ACP1: variants seen among roughly 807,000 people sequenced by gnomAD.
ACP1 encodes acid phosphatase 1.
Under a neutral mutation model 23.4 loss-of-function variants are expected in ACP1, and 23 were observed. The ratio of observed to expected loss-of-function variants is 0.98; its 90% CI spans 0.71 to 1.39. ACP1 has a LOEUF of 1.39. Ranked by LOEUF, ACP1 falls within the 40% of genes most tolerant of loss-of-function variation. The pLI is 0.00. For synonymous variants in ACP1, 72 were observed against 67.2 expected (o/e 1.07, Z -0.35); for missense variants, 180 against 197.7 (o/e 0.91, Z 0.54).
chr2:266,935 C>A (rs1467383688), intron 1 of ACP1, among the ~76,000 whole-genome samples: 1 of 152,048 alleles, frequency 6.6e-6, no homozygotes, highest in Admixed American at 6.6e-5. Flanking sequence ...CTAAGGGTGA[C>A]TCGAACTCAG....
At chr2:272,263 C>T in intron 3 of ACP1, 113 bp downstream of exon 3, 1 of 1,614,094 alleles carries the variant, frequency 6.2e-7, no homozygotes, top group Non-Finnish European at 8.5e-7. Flanking sequence ...CTGTGAGCTG[C>T]CTAAGAAATC....
intron 3 of ACP1, 40 bp from the exon 4 acceptor site, chr2:275,100 T>G (rs1670136578): frequency 9.2e-7 from 1 of 1,084,744 alleles, no homozygotes; most frequent in East Asian, 2.5e-5. Context: ...TAGGCTTGAA[T>G]GGTATAAACA....
rs553824492 is a variant in ACP1, at chr2:267,539, G to A, written c.43+2532G>A. 5.3e-5 allele frequency among the ~76,000 whole-genome samples: 8 copies of A among 152,332 alleles called. No individual in the cohort carries two copies. The South Asian group carries it at 1.7e-3, about 32-fold the overall frequency. On this transcript the variant is annotated intron_variant, in intron 1 of 5. Transcript: ENST00000272065. ...TTTGGAGAAGCATCCTGAACCCAGA[G>A]GAAAGCAGGTAAAAGTTTTGAAGGG...
rs1436597869 is a variant in ACP1 at position 277,978 on chromosome 2, T to C, written c.*674T>C. The C allele has an allele frequency of 2.6e-5, 4 of 152,298 alleles. No homozygotes were observed. The highest frequency in any genetic ancestry group is 5.9e-5 in the Non-Finnish European group (4 of 68,124). The allele number at this position is 152,298 out of a possible 1,614,324, so 9.4% of individuals were successfully genotyped here. The stretch of plus-strand genomic sequence containing the variant: ...TCTGAACCACTTTGCCTCTGAAACT[T>C]AATTACATCCAGAAAGAAGGACACT... On this transcript the variant is annotated 3_prime_UTR_variant, in exon 6 of 6. Transcript: ENST00000272065.
chr2:277,202 T>A (rs1339612683), intron 5 of ACP1, 25 bp from the exon 6 acceptor site: 1 of 1,613,330 alleles, frequency 6.2e-7, no homozygotes, highest in East Asian at 2.2e-5. Flanking sequence ...GTTTTGCCAT[T>A]TTCTTCTTTT....
rs538127644 is a variant in ACP1 at position 265,121 on chromosome 2, A to C, written c.43+114A>C. ...AACCATGAGGGGGAGGAGGCCAGGG[A>C]CTGGGAGGCCTAGGGTGTTCTAGGA... On this transcript the variant is annotated intron_variant, in intron 1 of 5. Transcript: ENST00000272065. 75 of 1,335,768 alleles carry C rather than the reference A, an allele frequency of 5.6e-5. No homozygotes were observed. The African/African-American group carries it at 1.0e-3, about 18-fold the overall frequency. 82.7% of individuals were successfully genotyped at this position (1,335,768 alleles called of 1,614,324 possible).
intron 1 of ACP1, chr2:269,158 A>G (rs1052186802): frequency 5.8e-6 from 2 of 345,306 alleles, no homozygotes; most frequent in Non-Finnish European, 1.2e-5. Context: ...AAGCCTTTCA[A>G]TAATTAAAAT....
intron 1 of ACP1, chr2:266,464 A>C (rs1436819899): frequency 6.6e-6 from 1 of 152,220 alleles, no homozygotes; most frequent in Non-Finnish European, 1.5e-5. Context: ...GGCATAATGC[A>C]TCATGGTTGC....
chr2:268,218 T>C (rs1160205070), intron 1 of ACP1, among the ~76,000 whole-genome samples: 1 of 152,246 alleles, frequency 6.6e-6, no homozygotes, highest in Non-Finnish European at 1.5e-5. Context: ...ATGCCTTTAC[T>C]GGTTGCATTC....
chr2:272,332 A>G (rs2103074201), intron 3 of ACP1, 182 bp downstream of exon 3: 1 of 1,599,182 alleles, frequency 6.3e-7, no homozygotes, highest in East Asian at 2.3e-5. Flanking sequence ...TCAATTTCTA[A>G]TATATAGAGT....
chr2:265,583 C>T (rs1241793077), intron 1 of ACP1, among the ~76,000 whole-genome samples: 1 of 136,260 alleles, frequency 7.3e-6, no homozygotes, highest in Non-Finnish European at 1.7e-5. Context: ...AACTTTCCAG[C>T]TTAAATTATT....
chr2:272,428 G>A (rs1644525551), intron 3 of ACP1: 36 of 1,458,890 alleles, frequency 2.5e-5, no homozygotes, highest in Non-Finnish European at 3.2e-5. Flanking sequence ...ACCAGCTATG[G>A]TGTGTCCATT....
chr2:274,837 T>TA (rs1670131416), intron 3 of ACP1: 2 of 194,954 alleles, frequency 1.0e-5, no homozygotes, highest in Admixed American at 6.0e-5. Flanking sequence ...GACATTTTAG[T>TA]ATGTTGACTG....
At chr2:267,011 T>A (rs1669908024) in intron 1 of ACP1, among the ~76,000 whole-genome samples, 1 of 152,214 alleles carries the variant, frequency 6.6e-6, no homozygotes, top group African/African-American at 2.4e-5. Context: ...ACAGCATGGA[T>A]ATGCTGGACA....
chr2:275,123 T>A lies in ACP1; in HGVS notation c.232-17T>A, dbSNP rs779247497. ...AATGGTATAAACACTGTGTTTTGAC[T>A]TCTTATTCAATTTTAGATTACCAAA... On this transcript the variant is annotated splice_polypyrimidine_tract_variant and intron_variant, in intron 3 of 5. Transcript: ENST00000272065. 2 of 1,419,484 alleles carry A rather than the reference T, an allele frequency of 1.4e-6. No individual in the cohort carries two copies. The allele number at this position is 1,419,484 out of a possible 1,614,324, so 87.9% of individuals were successfully genotyped here. A position where few individuals can be genotyped will look rare whatever the true frequency, so the allele number is the denominator to read the frequency against.
At chr2:269,862 T>A (rs182472426) in intron 1 of ACP1, among the ~76,000 whole-genome samples, 2 of 152,242 alleles carry the variant, frequency 1.3e-5, no homozygotes, top group Non-Finnish European at 2.9e-5. Flanking sequence ...GATCATTTCC[T>A]TTTGTCCAGT....
intron 1 of ACP1, 50 bp downstream of exon 1, chr2:265,057 A>G (rs1572191395): frequency 2.5e-6 from 4 of 1,605,124 alleles, no homozygotes; most frequent in Non-Finnish European, 3.4e-6. Flanking sequence ...GGAGAGTTGG[A>G]TCGGGCTTGT....
At chr2:271,137 C>T (rs1016708300) in intron 1 of ACP1, among the ~76,000 whole-genome samples, 6 of 152,170 alleles carry the variant, frequency 3.9e-5, no homozygotes, top group Non-Finnish European at 7.4e-5. Context: ...GGTGTTGAAT[C>T]GCTGTTTATG....
At chr2:265,529 G>A (rs1669843613) in intron 1 of ACP1, among the ~76,000 whole-genome samples, 1 of 152,162 alleles carries the variant, frequency 6.6e-6, no homozygotes, top group African/African-American at 2.4e-5. Flanking sequence ...ATATAACTTT[G>A]GCCCATGAAA....
Sources: allele counts gnomAD v4.1 joint callset (sites outside exome capture counted in the v4.1 genomes callset), GRCh38; gene constraint gnomAD v4.1.1; transcripts MANE v1.5; gene names NCBI Gene and HGNC (gene_info 2026-07-23, HGNC 2026-07-21).